Variants in EXPH5 observed in about 807,000 individuals in gnomAD.
EXPH5 encodes the protein exophilin 5.
A neutral mutation model predicts 41.1 loss-of-function variants in EXPH5; 42 were observed. The observed-to-expected ratio is 1.02, with a 90% CI of 0.80 to 1.32. The LOEUF is 1.32. Ranked by LOEUF, EXPH5 falls within the 40% of genes most tolerant of loss-of-function variation. The probability of loss-of-function intolerance (pLI) is 0.00; values close to 1 mark genes in which losing one functional copy is unlikely to be tolerated. For synonymous variants in EXPH5, 798 were observed against 833.5 expected (o/e 0.96, Z 0.73); for missense variants, 2,298 against 2,314.5 (o/e 0.99, Z 0.15).
upstream of EXPH5, chr11:108,593,834 C>A: frequency 8.1e-7 from 1 of 1,231,730 alleles, no homozygotes; most frequent in African/African-American, 1.5e-5. Context: ...TGTCCCCTCC[C>A]TCGTCCCCTC....
chr11:108,563,884 C>T (rs1320546102), intron 1 of EXPH5, among the ~76,000 whole-genome samples: 1 of 152,192 alleles, frequency 6.6e-6, no homozygotes, highest in South Asian at 2.1e-4. Context: ...AATCTAGGAC[C>T]GTATGTTCTA....
chr11:108,555,437 G>C (rs942533628), intron 1 of EXPH5, among the ~76,000 whole-genome samples: 1 of 152,124 alleles, frequency 6.6e-6, no homozygotes, highest in African/African-American at 2.4e-5. Context: ...CTAGCAGCTT[G>C]GAATACATTA....
chr11:108,567,532 A>C (rs1324528695), intron 1 of EXPH5, among the ~76,000 whole-genome samples: 2 of 152,132 alleles, frequency 1.3e-5, no homozygotes, highest in African/African-American at 4.8e-5. Context: ...GCGTAGCCTT[A>C]TATTCTTGTT....
rs2093708046 is a variant in EXPH5 at position 108,514,394 on chromosome 11, G to A, written c.1113C>T (p.Ile371=). ...QSPKRTPLSS[I]IWNRSDSSRD... is the part of the protein sequence containing the mutation. ...TAGAGGAATCTGATCTGTTCCATATGATGGATGATAAAGGAGTTCTCTTTG... is the reference window on the plus strand; with the variant it reads ...TAGAGGAATCTGATCTGTTCCATATAATGGATGATAAAGGAGTTCTCTTTG... The change falls in exon 6 of 6, where the codon ATC becomes ATT. Residue 371 remains isoleucine, a synonymous_variant. Transcript: ENST00000265843. The A allele has an allele frequency of 3.1e-6, 5 of 1,614,132 alleles. No homozygotes were observed. In the African/African-American group the frequency reaches 6.7e-5, roughly 22 times the overall value.
chr11:108,576,485 T>C lies in EXPH5; in HGVS notation c.119+16933A>G, dbSNP rs115577335. ...AGATAGAGGGGGTGATTGTACAACA[T>C]TGTTAATGTACAAAATGCCAATGAA... On this transcript the variant is annotated intron_variant, in intron 1 of 5. Transcript: ENST00000265843. 2.9e-3 allele frequency among the ~76,000 whole-genome samples: 442 copies of C among 152,310 alleles called. 3 individuals are homozygous for C. The highest frequency in any genetic ancestry group is 9.9e-3 in the African/African-American group (413 of 41,582).
chr11:108,559,370 T>C (rs1225264487), intron 1 of EXPH5, among the ~76,000 whole-genome samples: 1 of 152,212 alleles, frequency 6.6e-6, no homozygotes, highest in Non-Finnish European at 1.5e-5. Flanking sequence ...AGTGTCAGGA[T>C]TCTAAAAGTG....
chr11:108,510,954 T>C lies in EXPH5; in HGVS notation c.4553A>G (p.Gln1518Arg), dbSNP rs773687109. The change falls in exon 6 of 6, where the codon CAG (glutamine) becomes CGG (arginine). Residue 1518 changes from glutamine to arginine, a missense_variant. Gln to Arg is a conservative substitution (Grantham distance 43). Transcript: ENST00000265843. Reference sequence around the variant, plus strand: ...ATCTGACTGAGTCTCCTCACCAAGCTGTAGTTTATGCAATGCTGGAGTAAG... The same window carrying C: ...ATCTGACTGAGTCTCCTCACCAAGCCGTAGTTTATGCAATGCTGGAGTAAG... ...FALTPALHKL[Q>R]LGEETQSDEP... 1 of 1,614,112 alleles carries C rather than the reference T, an allele frequency of 6.2e-7. No homozygotes were observed. Among genetic ancestry groups the C allele is most frequent in the Admixed American group, 1.7e-5 (1 of 60,026 alleles).
Position 108,506,489 on chromosome 11 carries a change from T to TTA in EXPH5, c.*3047_*3048insTA, listed in dbSNP as rs1466669351. On this transcript the variant is annotated 3_prime_UTR_variant, in exon 6 of 6. Coordinates refer to ENST00000265843, the MANE Select transcript of EXPH5 (RefSeq NM_015065.3). ...TTCACCCTTACCTAACTTACCTAAC[T>TTA]CTTAATATAGCCTAAACTCACTGAA... is the stretch of plus-strand genomic sequence containing the variant. 1 of 152,136 alleles carries TTA rather than the reference T, an allele frequency of 6.6e-6. No individual in the cohort carries two copies. Among genetic ancestry groups the TTA allele is most frequent in the East Asian group, 1.9e-4 (1 of 5,192 alleles). The allele number at this position is 152,136 out of a possible 1,614,324, so 9.4% of individuals were successfully genotyped here. A position where few individuals can be genotyped will look rare whatever the true frequency, so the allele number is the denominator to read the frequency against.
At chr11:108,523,016 G>A (rs1315572115) in intron 4 of EXPH5, among the ~76,000 whole-genome samples, 1 of 151,886 alleles carries the variant, frequency 6.6e-6, no homozygotes, top group Non-Finnish European at 1.5e-5. Flanking sequence ...TGAGTAACTG[G>A]GGCTATAGAT....
chr11:108,589,106 G>T (rs1006284333), intron 1 of EXPH5, among the ~76,000 whole-genome samples: 1 of 152,174 alleles, frequency 6.6e-6, no homozygotes, highest in Non-Finnish European at 1.5e-5. Context: ...GCATAAGGGC[G>T]AGCTACAGTT....
At chr11:108,598,391 G>T (rs2094141598), upstream of EXPH5, among the ~76,000 whole-genome samples, 2 of 152,182 alleles carry the variant, frequency 1.3e-5, no homozygotes, top group Non-Finnish European at 2.9e-5. Context: ...CAGGCTCTGT[G>T]ACAGGTGCTG....
intron 1 of EXPH5, among the ~76,000 whole-genome samples, chr11:108,553,504 C>T (rs1289061421): frequency 3.9e-5 from 6 of 152,146 alleles, no homozygotes; most frequent in Non-Finnish European, 7.3e-5. Context: ...TACATGATCC[C>T]TTTTTGAATG....
rs1381286968 is a variant in EXPH5 at position 108,505,615 on chromosome 11, A to T, written c.*3922T>A. On this transcript the variant is annotated 3_prime_UTR_variant, in exon 6 of 6. Coordinates refer to ENST00000265843, the MANE Select transcript of EXPH5 (RefSeq NM_015065.3). ...ATATACAGAACTGCCAGTCACAAAG[A>T]GCCACTAAGTGGCAATACAGCCACA... 1 of 152,216 alleles carries T rather than the reference A, an allele frequency of 6.6e-6. No individual in the cohort carries two copies. The highest frequency in any genetic ancestry group is 6.5e-5 in the Admixed American group (1 of 15,280). The allele number at this position is 152,216 out of a possible 1,614,324, so 9.4% of individuals were successfully genotyped here. A position where few individuals can be genotyped will look rare whatever the true frequency, so the allele number is the denominator to read the frequency against.
At chr11:108,596,599 G>C (rs1020142570), upstream of EXPH5, among the ~76,000 whole-genome samples, 1 of 152,136 alleles carries the variant, frequency 6.6e-6, no homozygotes, top group Non-Finnish European at 1.5e-5. Context: ...TCAAGTTCTT[G>C]AAACAGGGAT....
intron 1 of EXPH5, among the ~76,000 whole-genome samples, chr11:108,572,765 G>T (rs969405739): frequency 6.6e-6 from 1 of 152,008 alleles, no homozygotes; most frequent in Non-Finnish European, 1.5e-5. Flanking sequence ...CACCATGTTG[G>T]CCAGGCTGGT....
chr11:108,561,445 G>T (rs150459572), intron 1 of EXPH5, among the ~76,000 whole-genome samples: 1 of 152,290 alleles, frequency 6.6e-6, no homozygotes, highest in Non-Finnish European at 1.5e-5. Flanking sequence ...AGCCACAGAA[G>T]TAATGAATTA....
the EXPH5 span, among the ~76,000 whole-genome samples, chr11:108,603,132 A>C: frequency 6.6e-6 from 1 of 152,276 alleles, no homozygotes; most frequent in African/African-American, 2.4e-5. Context: ...GAGTTTCCTG[A>C]GGCCTCCCCA....
At chr11:108,568,057 T>A (rs1316589307) in intron 1 of EXPH5, 1 of 151,812 alleles carries the variant, frequency 6.6e-6, no homozygotes, top group African/African-American at 2.4e-5. Context: ...TCCGACTCGC[T>A]GAAGACAAAA....
Position 108,514,234 on chromosome 11 carries a change from G to C in EXPH5, c.1273C>G (p.Gln425Glu). 1 of 1,614,156 alleles carries C rather than the reference G, an allele frequency of 6.2e-7. No individual in the cohort carries two copies. The highest frequency in any genetic ancestry group is 8.5e-7 in the Non-Finnish European group (1 of 1,180,026). ...YESYHSQNVY[Q>E]RVSLNAPMEN... ...ATGGGAGCATTTAAACTAACACGTTGGTAAACATTCTGTGAATGGTACGAT... is the reference window on the plus strand; with the variant it reads ...ATGGGAGCATTTAAACTAACACGTTCGTAAACATTCTGTGAATGGTACGAT... The change falls in exon 6 of 6, where the codon CAA (glutamine) becomes GAA (glutamate). Residue 425 changes from glutamine (Q) to glutamate (E), a missense_variant. Physicochemically the swap from Gln to Glu is conservative, Grantham distance 29. Transcript: ENST00000265843.
Sources: gnomAD v4.1 joint callset for allele counts (sites outside exome capture counted in the v4.1 genomes callset) on GRCh38, gnomAD v4.1.1 for gene constraint, MANE v1.5 for transcripts, NCBI Gene and HGNC (gene_info 2026-07-23, HGNC 2026-07-21) for gene names.